CEP83: variants seen among roughly 807,000 people sequenced by gnomAD.
CEP83 encodes the protein centrosomal protein 83.
Under a neutral mutation model 101.9 loss-of-function variants are expected in CEP83, and 70 were observed. The observed-to-expected ratio is 0.69, with a 90% CI of 0.57 to 0.84. CEP83 has a LOEUF of 0.84. Ranked by LOEUF, CEP83 falls within the 40% of genes least tolerant of loss-of-function variation. The probability of loss-of-function intolerance (pLI) is 0.00; values close to 1 mark genes in which losing one functional copy is unlikely to be tolerated. For synonymous variants in CEP83, 264 were observed against 267.9 expected (o/e 0.99, Z 0.14); for missense variants, 715 against 787.2 (o/e 0.91, Z 1.10).
chr12:94,275,854 CAAAAAAAAAAAAAAA>C, the CEP83 span, among the ~76,000 whole-genome samples: 234 of 23,100 alleles, frequency 0.01, 38 homozygotes, highest in Middle Eastern at 0.062. Context: ...GACTCCGTCT[CAAAAAAAAAAAAAAA>C]AAAAAAAAAA....
At chr12:94,432,735 A>G (rs758345070) in intron 2 of CEP83, among the ~76,000 whole-genome samples, 1 of 152,168 alleles carries the variant, frequency 6.6e-6, no homozygotes, top group Non-Finnish European at 1.5e-5. Flanking sequence ...TAGCTACAAG[A>G]GAGGACTTTA....
At chr12:94,301,649 A>G (rs1968478464), downstream of CEP83, among the ~76,000 whole-genome samples, 2 of 152,208 alleles carry the variant, frequency 1.3e-5, no homozygotes, top group African/African-American at 4.8e-5. Flanking sequence ...ACTGAGCAAT[A>G]TCTGTGCCTA....
intron 11 of CEP83, among the ~76,000 whole-genome samples, chr12:94,356,323 G>A (rs979866968): frequency 2.0e-5 from 3 of 152,198 alleles, no homozygotes; most frequent in African/African-American, 7.2e-5. Context: ...AGAGGTTACA[G>A]AGCATGTTTA....
the CEP83 span, chr12:94,279,441 T>C: frequency 1.9e-6 from 3 of 1,585,654 alleles, no homozygotes; most frequent in African/African-American, 1.4e-5. Context: ...AATTATCTAA[T>C]AGACTTGGAA....
At chr12:94,450,222 T>A (rs1049127521) in intron 1 of CEP83, among the ~76,000 whole-genome samples, 2 of 152,230 alleles carry the variant, frequency 1.3e-5, no homozygotes, top group Admixed American at 1.3e-4. Flanking sequence ...TTTTGAGACA[T>A]GATCATCTAT....
At chr12:94,288,460 C>T in the CEP83 span, among the ~76,000 whole-genome samples, 1 of 152,124 alleles carries the variant, frequency 6.6e-6, no homozygotes, top group Non-Finnish European at 1.5e-5. Flanking sequence ...ACTAATAGGC[C>T]GCAGAAGGAG....
At chr12:94,276,686 G>A in the CEP83 span, among the ~76,000 whole-genome samples, 93,070 of 152,020 alleles carry the variant, frequency 0.61, 28,518 homozygotes, top group Middle Eastern at 0.68. Flanking sequence ...TCTAGAAAAG[G>A]GAGGTGAGGA....
At chr12:94,374,322 T>C (rs2061430560) in intron 8 of CEP83, among the ~76,000 whole-genome samples, 1 of 152,142 alleles carries the variant, frequency 6.6e-6, no homozygotes, top group African/African-American at 2.4e-5. Flanking sequence ...CCATGTCCTA[T>C]TGCGACATCT....
At chr12:94,326,177 G>T (rs1045291352) in intron 14 of CEP83, among the ~76,000 whole-genome samples, 1 of 152,158 alleles carries the variant, frequency 6.6e-6, no homozygotes, top group Non-Finnish European at 1.5e-5. Flanking sequence ...ACATTGACTT[G>T]CTGGGAGGGT....
In CEP83 at chr12:94,308,487, T is replaced by TA. The variant is rs1473993832; in HGVS notation, c.*325dup. 15 of 201,930 alleles carry TA rather than the reference T, an allele frequency of 7.4e-5. No homozygotes were observed. The highest frequency in any genetic ancestry group is 2.9e-4 in the Admixed American group (5 of 17,450). The allele number at this position is 201,930 out of a possible 1,614,324, so 12.5% of individuals were successfully genotyped here. On this transcript the variant is annotated 3_prime_UTR_variant, in exon 17 of 17. Coordinates refer to ENST00000397809, the MANE Select transcript of CEP83 (RefSeq NM_016122.3). The stretch of plus-strand genomic sequence containing the variant: ...AGATGAAGAGAGAATTAATGATAGT[T>TA]ATATTTCACTCAAAATGCCAAAAAA...
intron 1 of CEP83, among the ~76,000 whole-genome samples, chr12:94,451,467 C>CAAAAAAAAAA (rs34200750): frequency 1.9e-5 from 2 of 102,666 alleles, no homozygotes; most frequent in Non-Finnish European, 3.9e-5. Flanking sequence ...TCAGTAAGAC[C>CAAAAAAAAAA]AAAAAAAAAA....
At chr12:94,376,366 T>C (rs898760902) in intron 7 of CEP83, among the ~76,000 whole-genome samples, 6 of 152,076 alleles carry the variant, frequency 3.9e-5, no homozygotes, top group Non-Finnish European at 7.4e-5. Flanking sequence ...TTCCAGTCTA[T>C]AACAGATAAG....
intron 11 of CEP83, among the ~76,000 whole-genome samples, chr12:94,363,976 C>G (rs1156763584): frequency 6.7e-6 from 1 of 148,974 alleles, no homozygotes; most frequent in Admixed American, 6.7e-5. Context: ...GTAATTACAT[C>G]ATGCTAAGTA....
chr12:94,449,908 T>A (rs1035787877), intron 1 of CEP83, among the ~76,000 whole-genome samples: 3 of 148,706 alleles, frequency 2.0e-5, no homozygotes, highest in Non-Finnish European at 4.4e-5. Context: ...ATAAAAATCA[T>A]ATAACCATAT....
intron 2 of CEP83, chr12:94,424,537 C>G (rs2065033668): frequency 1.2e-6 from 2 of 1,613,634 alleles, no homozygotes; most frequent in Admixed American, 3.3e-5. Flanking sequence ...CATCCATTGA[C>G]AGTGGGAGGT....
At chr12:94,425,873 C>A (rs1337927985) in intron 2 of CEP83, among the ~76,000 whole-genome samples, 2 of 152,144 alleles carry the variant, frequency 1.3e-5, no homozygotes, top group Admixed American at 6.5e-5. Flanking sequence ...GTAATCCCAG[C>A]ACTTTGGGAG....
chr12:94,296,925 G>C, the CEP83 span, among the ~76,000 whole-genome samples: 3 of 152,142 alleles, frequency 2.0e-5, no homozygotes, highest in Non-Finnish European at 1.5e-5. Flanking sequence ...AATGAATGAG[G>C]CTTGAGCCTC....
At chr12:94,299,316 T>G in the CEP83 span, among the ~76,000 whole-genome samples, 1 of 152,180 alleles carries the variant, frequency 6.6e-6, no homozygotes, top group Non-Finnish European at 1.5e-5. Context: ...AAATTTTGCC[T>G]CCTCAGTAAA....
the CEP83 span, chr12:94,298,776 C>A: frequency 6.2e-7 from 1 of 1,610,802 alleles, no homozygotes. Flanking sequence ...TGACGTCGTA[C>A]ATATTTGGAA....
Sources: allele counts gnomAD v4.1 joint callset (sites outside exome capture counted in the v4.1 genomes callset), GRCh38; gene constraint gnomAD v4.1.1; transcripts MANE v1.5; gene names NCBI Gene and HGNC (gene_info 2026-07-23, HGNC 2026-07-21).